The following SLIT3 variants were observed in gnomAD, a reference collection of about 807,000 sequenced individuals.
The protein encoded by SLIT3 is slit guidance ligand 3.
Under a neutral mutation model 184.0 loss-of-function variants are expected in SLIT3, and 68 were observed. The ratio of observed to expected loss-of-function variants is 0.37; its 90% confidence interval spans 0.30 to 0.45. SLIT3 has a LOEUF of 0.45. Ranked by LOEUF, SLIT3 falls within the 20% of genes least tolerant of loss-of-function variation. The probability of loss-of-function intolerance (pLI) is 1.00; values close to 1 mark genes in which losing one functional copy is unlikely to be tolerated. For missense variants in SLIT3, 1,707 were observed against 2,026.0 expected (o/e 0.84, Z 3.02); for synonymous variants, 831 against 828.6 (o/e 1.00, Z -0.05).
chr5:169,133,020 G>C (rs775467619), intron 4 of SLIT3, among the ~76,000 whole-genome samples: 19 of 152,158 alleles, frequency 1.2e-4, no homozygotes, highest in East Asian at 1.9e-4. Context: ...CTCTTCAGTA[G>C]AGAGACATAG....
Position 168,842,510 on chromosome 5 carries a change from T to A in SLIT3, c.557+2074A>T, listed in dbSNP as rs566141951. 9.0e-5 allele frequency among the ~76,000 whole-genome samples: 12 copies of A among 132,896 alleles called. No individual in the cohort carries two copies. The South Asian group carries it at 2.4e-3, about 26-fold the overall frequency. The allele number at this position is 132,896 out of a possible 152,430, so 87.2% of individuals were successfully genotyped here. A position where few individuals can be genotyped will look rare whatever the true frequency, so the allele number is the denominator to read the frequency against. On this transcript the variant is annotated intron_variant, in intron 6 of 35. Transcript: ENST00000519560. ...TTTGTATCTGAGTAGAGGAGAGCTG[T>A]CCAAATCTGTCCTGGGCAAGGGCTT...
intron 4 of SLIT3, among the ~76,000 whole-genome samples, chr5:168,966,693 C>T (rs1763208471): frequency 1.3e-5 from 2 of 152,154 alleles, no homozygotes; most frequent in Admixed American, 6.5e-5. Context: ...ATCCCCCATG[C>T]CTACTCCTCT....
chr5:168,749,230 A>G (rs955168761), intron 19 of SLIT3, among the ~76,000 whole-genome samples: 2 of 152,196 alleles, frequency 1.3e-5, no homozygotes, highest in African/African-American at 4.8e-5. Context: ...AATGAAATCA[A>G]TATATTATGA....
intron 5 of SLIT3, among the ~76,000 whole-genome samples, chr5:168,867,096 A>T (rs1759330112): frequency 6.6e-6 from 1 of 152,220 alleles, no homozygotes; most frequent in Non-Finnish European, 1.5e-5. Flanking sequence ...ACCAGAAATC[A>T]GGATTCAGTT....
chr5:169,218,358 G>C (rs897832835), intron 3 of SLIT3, among the ~76,000 whole-genome samples: 2 of 152,226 alleles, frequency 1.3e-5, no homozygotes, highest in Non-Finnish European at 2.9e-5. Flanking sequence ...AGCCAGCCAA[G>C]GCTATGTGGC....
intron 1 of SLIT3, among the ~76,000 whole-genome samples, chr5:169,294,441 G>GA (rs1252399219): frequency 6.1e-4 from 3 of 4,916 alleles, no homozygotes; most frequent in South Asian, 7.8e-3. Flanking sequence ...GCTCTGCTGT[G>GA]GGGGCAGGAC....
chr5:168,690,612 G>A (rs6859132), intron 29 of SLIT3, among the ~76,000 whole-genome samples: 75,150 of 151,992 alleles, frequency 0.49, 19,001 homozygotes, highest in East Asian at 0.68. Context: ...GATCAGCAGT[G>A]AACTGAAGTC....
chr5:169,057,671 T>C (rs1408955416), intron 4 of SLIT3, among the ~76,000 whole-genome samples: 6 of 151,626 alleles, frequency 4.0e-5, no homozygotes, highest in Admixed American at 3.9e-4. Flanking sequence ...GAAGGTGGAG[T>C]AGGGTTATCA....
chr5:168,773,053 C>T, intron 13 of SLIT3, 109 bp from the exon 14 acceptor site: 1 of 1,149,748 alleles, frequency 8.7e-7, no homozygotes, highest in Non-Finnish European at 1.2e-6. Flanking sequence ...GGACTGGCCT[C>T]CTGCCTCATC....
chr5:169,254,518 A>G (rs1765885926), intron 1 of SLIT3, among the ~76,000 whole-genome samples: 1 of 151,548 alleles, frequency 6.6e-6, no homozygotes, highest in Admixed American at 6.6e-5. Flanking sequence ...CTATCAAGAG[A>G]TGGTGTCTAT....
Position 169,027,716 on chromosome 5 carries a change from G to A in SLIT3, c.414-144380C>T, listed in dbSNP as rs376057852. On this transcript the variant is annotated intron_variant, in intron 4 of 35. Transcript: ENST00000519560. ...GGCAGGCGAGGGACGTCACTTGGCC[G>A]CAGCGGTTCTGCTTTTTATACATTC... Among the ~76,000 whole-genome samples, 57 of 152,282 alleles carry A rather than the reference G, an allele frequency of 3.7e-4. 1 individual carries two copies. The highest frequency in any genetic ancestry group is 3.4e-3 in the Middle Eastern group (1 of 294).
intron 4 of SLIT3, among the ~76,000 whole-genome samples, chr5:168,885,641 T>C (rs1760171000): frequency 6.6e-6 from 1 of 152,168 alleles, no homozygotes; most frequent in African/African-American, 2.4e-5. Context: ...CTGCTCTCTC[T>C]GGCGGCTCTG....
intron 4 of SLIT3, among the ~76,000 whole-genome samples, chr5:168,963,227 A>G (rs1763075557): frequency 6.6e-6 from 1 of 152,128 alleles, no homozygotes; most frequent in African/African-American, 2.4e-5. Flanking sequence ...GCTGGAGTGC[A>G]ATGGTGCAAT....
At chr5:168,889,519 T>C (rs534655029) in intron 4 of SLIT3, among the ~76,000 whole-genome samples, 1 of 152,344 alleles carries the variant, frequency 6.6e-6, no homozygotes, top group African/African-American at 2.4e-5. Flanking sequence ...GAGTTTACTT[T>C]ACGTGTTCCC....
intron 20 of SLIT3, among the ~76,000 whole-genome samples, chr5:168,737,053 G>T (rs932638186): frequency 6.6e-6 from 1 of 152,186 alleles, no homozygotes. Context: ...AATGGTGGCT[G>T]TGGTGGTTTG....
chr5:168,680,886 C>T (rs1468541348), intron 32 of SLIT3, among the ~76,000 whole-genome samples: 1 of 152,074 alleles, frequency 6.6e-6, no homozygotes, highest in Non-Finnish European at 1.5e-5. Flanking sequence ...CACAGTGGCT[C>T]ACACCTGTAA....
chr5:169,014,801 A>C (rs1756299934), intron 4 of SLIT3, among the ~76,000 whole-genome samples: 1 of 152,136 alleles, frequency 6.6e-6, no homozygotes, highest in South Asian at 2.1e-4. Context: ...AAATACAAAA[A>C]TTAGTTAGGC....
At chr5:169,089,211 C>T (rs755470624) in intron 4 of SLIT3, among the ~76,000 whole-genome samples, 3 of 151,974 alleles carry the variant, frequency 2.0e-5, no homozygotes, top group Non-Finnish European at 4.4e-5. Context: ...GCAGAACCTG[C>T]TTCATCCTTC....
At position 168,696,447 on chromosome 5, in the gene SLIT3, G is replaced by A. The variant is rs750549381; in HGVS notation, c.2943-16C>T. 2 of 1,613,910 alleles carry A rather than the reference G, an allele frequency of 1.2e-6. No individual in the cohort carries two copies. The highest frequency in any genetic ancestry group is 8.5e-7 in the Non-Finnish European group (1 of 1,179,996). ...GCAGGAGCAGCTTTGGGATGTGAGGGGTGGAGAGCAGGGGAGTCAGGGGTC... is the reference window on the plus strand; with the variant it reads ...GCAGGAGCAGCTTTGGGATGTGAGGAGTGGAGAGCAGGGGAGTCAGGGGTC... On this transcript the variant is annotated splice_polypyrimidine_tract_variant and intron_variant, in intron 27 of 35. Coordinates refer to ENST00000519560, the MANE Select transcript of SLIT3 (RefSeq NM_003062.4).
Sources: allele counts gnomAD v4.1 joint callset (sites outside exome capture counted in the v4.1 genomes callset), GRCh38; gene constraint gnomAD v4.1.1; transcripts MANE v1.5; gene names NCBI Gene and HGNC (gene_info 2026-07-23, HGNC 2026-07-21).